IL1RAP: variants seen among roughly 807,000 people sequenced by gnomAD.
The protein encoded by IL1RAP is interleukin-1 receptor accessory protein.
In IL1RAP, 35 loss-of-function variants were observed where a neutral mutation model predicts 60.7. The observed-to-expected ratio is 0.58, with a 90% CI of 0.44 to 0.76. The LOEUF (loss-of-function observed/expected upper bound fraction) is 0.76, where lower values mean the gene tolerates loss of function less well. Ranked by LOEUF, IL1RAP falls within the 30% of genes least tolerant of loss-of-function variation. IL1RAP has a pLI of 0.00. For missense variants in IL1RAP, 572 were observed against 693.9 expected (o/e 0.82, Z 1.97); for synonymous variants, 268 against 250.9 (o/e 1.07, Z -0.64).
chr3:190,606,417 C>CT (rs1451499953), intron 4 of IL1RAP, among the ~76,000 whole-genome samples: 26 of 152,164 alleles, frequency 1.7e-4, no homozygotes, highest in Admixed American at 1.7e-3. Context: ...TGATGAGCTC[C>CT]TTTTTTTCTT....
At chr3:190,604,862 T>C (rs1453594704) in intron 4 of IL1RAP, among the ~76,000 whole-genome samples, 1 of 152,128 alleles carries the variant, frequency 6.6e-6, no homozygotes, top group Non-Finnish European at 1.5e-5. Flanking sequence ...CTCCCAAATA[T>C]GTGTGATGTG....
chr3:190,574,077 T>TC (rs1727237690), intron 3 of IL1RAP, among the ~76,000 whole-genome samples: 7 of 152,172 alleles, frequency 4.6e-5, no homozygotes, highest in Admixed American at 3.9e-4. Context: ...TACACCATGC[T>TC]GCCACTGAGT....
At position 190,644,162 on chromosome 3, in the gene IL1RAP, T is replaced by C. The variant is rs928532255; in HGVS notation, c.1052-86T>C. The C allele has an allele frequency of 8.6e-6, 13 of 1,514,388 alleles. No individual in the cohort carries two copies. The Admixed American group carries it at 2.2e-4, about 26-fold the overall frequency. 93.8% of individuals were successfully genotyped at this position (1,514,388 alleles called of 1,614,324 possible). Reference sequence around the variant, plus strand: ...ATAGGCAGGTGCATAGCTAAGCTGCTTGGCTTATCCAGCTATTTGCCGGGA... The same window carrying C: ...ATAGGCAGGTGCATAGCTAAGCTGCCTGGCTTATCCAGCTATTTGCCGGGA... On this transcript the variant is annotated intron_variant, in intron 9 of 11. Transcript: ENST00000447382.
chr3:190,532,745 T>A (rs1723101357), intron 1 of IL1RAP, among the ~76,000 whole-genome samples: 1 of 152,106 alleles, frequency 6.6e-6, no homozygotes, highest in African/African-American at 2.4e-5. Flanking sequence ...CCAGTTTGCT[T>A]GCACGTACAG....
At chr3:190,517,618 T>C (rs1159443751) in intron 1 of IL1RAP, among the ~76,000 whole-genome samples, 2 of 152,206 alleles carry the variant, frequency 1.3e-5, no homozygotes, top group African/African-American at 2.4e-5. Context: ...GCCATTAGAT[T>C]TCTCTTCTTT....
intron 3 of IL1RAP, among the ~76,000 whole-genome samples, chr3:190,572,446 G>GAC (rs1727005555): frequency 6.6e-6 from 1 of 151,936 alleles, no homozygotes; most frequent in African/African-American, 2.4e-5. Context: ...GAGAGAGGAA[G>GAC]AGAGAGAGAG....
intron 3 of IL1RAP, among the ~76,000 whole-genome samples, chr3:190,599,632 A>T (rs1729680892): frequency 6.7e-6 from 1 of 149,478 alleles, no homozygotes; most frequent in African/African-American, 2.5e-5. Context: ...AGAAGGTTGT[A>T]TACTTCAGTT....
chr3:190,615,219 A>G (rs1731162360), intron 5 of IL1RAP: 4 of 702,290 alleles, frequency 5.7e-6, no homozygotes, highest in African/African-American at 1.9e-5. Flanking sequence ...AAAGCAAACC[A>G]TAGTTTGTAA....
intron 3 of IL1RAP, among the ~76,000 whole-genome samples, chr3:190,590,179 T>C (rs964872720): frequency 1.3e-5 from 2 of 152,178 alleles, no homozygotes; most frequent in Non-Finnish European, 2.9e-5. Flanking sequence ...TGGCACTGAT[T>C]AACTTCATAT....
chr3:190,651,177 A>T lies in IL1RAP; in HGVS notation c.*2472A>T. On this transcript the variant is annotated 3_prime_UTR_variant, in exon 12 of 12. Transcript: ENST00000447382. ...AACCATGTCTCAAATTTTTTTAAAA[A>T]AAATTAATGGTTTTAAATATATGCT... The T allele has an allele frequency of 4.1e-6, 4 of 982,476 alleles. No individual in the cohort carries two copies. The highest frequency in any genetic ancestry group is 4.8e-6 in the Non-Finnish European group (4 of 827,262). The allele number at this position is 982,476 out of a possible 1,614,324, so 60.9% of individuals were successfully genotyped here.
intron 3 of IL1RAP, among the ~76,000 whole-genome samples, chr3:190,584,844 C>T (rs905354844): frequency 1.3e-5 from 2 of 152,110 alleles, no homozygotes; most frequent in Non-Finnish European, 2.9e-5. Flanking sequence ...CACTGGATCT[C>T]CTATAGTCTC....
chr3:190,566,771 G>A (rs1229508907), intron 3 of IL1RAP, among the ~76,000 whole-genome samples: 1 of 152,180 alleles, frequency 6.6e-6, no homozygotes, highest in Non-Finnish European at 1.5e-5. Context: ...AAAACGAAAA[G>A]AGCAACTGGC....
rs1490999642 is a variant in IL1RAP at position 190,630,096 on chromosome 3, A to G, written c.1051+598A>G. 3.9e-6 allele frequency: 3 copies of G among 772,316 alleles called. No homozygotes were observed. In the African/African-American group the frequency reaches 5.7e-5, roughly 15 times the overall value. The allele number at this position is 772,316 out of a possible 1,614,324, so 47.8% of individuals were successfully genotyped here. ...TTTTCCAAAAATGCATAATTATAAT[A>G]TTATTTTAAACACTATGTATCAATA... On this transcript the variant is annotated intron_variant, in intron 9 of 11. Coordinates refer to ENST00000447382, the MANE Select transcript of IL1RAP (RefSeq NM_002182.4).
At chr3:190,655,030 A>ATG (rs1290503454), downstream of IL1RAP, among the ~76,000 whole-genome samples, 1 of 152,040 alleles carries the variant, frequency 6.6e-6, no homozygotes, top group African/African-American at 2.4e-5. Flanking sequence ...TCACACACAG[A>ATG]CGCACACACA....
At chr3:190,532,481 C>T (rs538034321) in intron 1 of IL1RAP, among the ~76,000 whole-genome samples, 2 of 152,212 alleles carry the variant, frequency 1.3e-5, no homozygotes, top group East Asian at 3.9e-4. Flanking sequence ...CCAGGATGTT[C>T]TCGATCTCCT....
At chr3:190,558,647 C>T (rs1156370192) in intron 2 of IL1RAP, among the ~76,000 whole-genome samples, 2 of 151,990 alleles carry the variant, frequency 1.3e-5, no homozygotes, top group Non-Finnish European at 2.9e-5. Flanking sequence ...TGTATGATTC[C>T]TCCAACTTTA....
At chr3:190,546,990 C>G (rs1255012144) in intron 1 of IL1RAP, among the ~76,000 whole-genome samples, 1 of 152,168 alleles carries the variant, frequency 6.6e-6, no homozygotes, top group African/African-American at 2.4e-5. Context: ...GTTCTGCATT[C>G]CTGCTCAATA....
chr3:190,623,102 G>A, intron 6 of IL1RAP, among the ~76,000 whole-genome samples: 1 of 152,138 alleles, frequency 6.6e-6, no homozygotes, highest in Non-Finnish European at 1.5e-5. Context: ...GAAATCACAG[G>A]GGATTTAGGA....
At chr3:190,638,876 A>C (rs66459666) in intron 9 of IL1RAP, among the ~76,000 whole-genome samples, 2,790 of 152,050 alleles carry the variant, frequency 0.018, 80 homozygotes, top group African/African-American at 0.063. Flanking sequence ...TTTTCACAGG[A>C]TATGTTGAAA....
Sources: allele counts gnomAD v4.1 joint callset (sites outside exome capture counted in the v4.1 genomes callset), GRCh38; gene constraint gnomAD v4.1.1; transcripts MANE v1.5; gene names NCBI Gene and HGNC (gene_info 2026-07-23, HGNC 2026-07-21).